The following TRAF3IP2 variants were observed in gnomAD, a reference collection of about 807,000 sequenced individuals.
TRAF3IP2 encodes TRAF3 interacting protein 2, also known as E3 ubiquitin ligase TRAF3IP2.
A neutral mutation model predicts 57.9 loss-of-function variants in TRAF3IP2; 35 were observed. The observed-to-expected ratio is 0.60, with a 90% CI of 0.46 to 0.80. The LOEUF is 0.80. TRAF3IP2 is among the 30% of genes least tolerant of loss of function. TRAF3IP2 has a pLI of 0.00. For missense variants in TRAF3IP2, 556 were observed against 706.4 expected (o/e 0.79, Z 2.41); for synonymous variants, 251 against 268.9 (o/e 0.93, Z 0.65).
chr6:111,592,114 G>A lies in TRAF3IP2; in HGVS notation c.-8-20C>T. The A allele has an allele frequency of 1.3e-6, 2 of 1,593,678 alleles. No homozygotes were observed. The highest frequency in any genetic ancestry group is 1.7e-6 in the Non-Finnish European group (2 of 1,165,220). ...TAGTTTCTGGAACAAGAGAAAACAT[G>A]CTATAGCCTTAGAAGACAGATAAAT... On this transcript the variant is annotated intron_variant, in intron 1 of 8. Transcript: ENST00000368761.
chr6:111,581,917 G>T (rs1256013356), intron 2 of TRAF3IP2, among the ~76,000 whole-genome samples: 1 of 152,196 alleles, frequency 6.6e-6, no homozygotes, highest in Admixed American at 6.5e-5. Context: ...GGCAGAGGCT[G>T]CAGTGAGCTG....
intron 5 of TRAF3IP2, among the ~76,000 whole-genome samples, chr6:111,568,472 T>C (rs1226798881): frequency 2.0e-5 from 3 of 148,256 alleles, no homozygotes; most frequent in Admixed American, 6.7e-5. Context: ...TGTGTGTGTG[T>C]GTGTGTGTGT....
chr6:111,560,911 A>G, intron 8 of TRAF3IP2, among the ~76,000 whole-genome samples: 1 of 152,182 alleles, frequency 6.6e-6, no homozygotes, highest in Non-Finnish European at 1.5e-5. Flanking sequence ...GGCAGGGCGC[A>G]GTGGCTCACG....
chr6:111,572,730 A>G (rs1795867147), intron 5 of TRAF3IP2, 165 bp downstream of exon 5: 4 of 643,148 alleles, frequency 6.2e-6, no homozygotes, highest in African/African-American at 1.8e-5. Context: ...ATAGCTTAAA[A>G]TCTAGAAAAT....
intron 1 of TRAF3IP2, among the ~76,000 whole-genome samples, chr6:111,599,013 C>T (rs897687941): frequency 6.6e-6 from 1 of 152,034 alleles, no homozygotes; most frequent in Non-Finnish European, 1.5e-5. Context: ...CTTCCTCCCA[C>T]CTTAGCCTCC....
intron 1 of TRAF3IP2, among the ~76,000 whole-genome samples, chr6:111,599,559 C>A (rs937632279): frequency 1.3e-5 from 2 of 152,158 alleles, no homozygotes; most frequent in African/African-American, 2.4e-5. Context: ...CTGTACACAG[C>A]TCTCAGTCAA....
chr6:111,592,130 A>G (rs1207480124), intron 1 of TRAF3IP2, 36 bp from the exon 2 acceptor site: 4 of 1,560,970 alleles, frequency 2.6e-6, no homozygotes, highest in Non-Finnish European at 3.5e-6. Flanking sequence ...GCCTTAGAAG[A>G]CAGATAAATT....
At chr6:111,563,062 G>A in intron 7 of TRAF3IP2, 23 bp from the exon 8 acceptor site, 1 of 1,585,444 alleles carries the variant, frequency 6.3e-7, no homozygotes, top group Non-Finnish European at 8.6e-7. Context: ...AAATGTGAAG[G>A]TTTAATTTCA....
chr6:111,574,424 CT>C (rs1468886262), intron 4 of TRAF3IP2, among the ~76,000 whole-genome samples: 5 of 152,294 alleles, frequency 3.3e-5, no homozygotes, highest in Non-Finnish European at 7.3e-5. Context: ...AATTACTGTC[CT>C]GACTGACCTT....
At chr6:111,593,432 G>A (rs966738135) in intron 1 of TRAF3IP2, among the ~76,000 whole-genome samples, 2 of 152,160 alleles carry the variant, frequency 1.3e-5, no homozygotes, top group African/African-American at 2.4e-5. Context: ...ATGGGATCAG[G>A]ACAGCATGCA....
rs746189713 is a variant in TRAF3IP2, at chr6:111,575,671, T to C, written c.1173A>G (p.Leu391=). ...PPSNPPARGT[L]KTSNLPEELR... The stretch of plus-strand genomic sequence containing the variant: ...ATTCTTCTGGCAAATTGCTTGTTTT[T>C]AGAGTTCCTCTGGCTGGAGGGTTGC... Residue 391 remains leucine (L), a synonymous_variant, in exon 4 of 9, where the codon CTA becomes CTG. Transcript: ENST00000368761. The C allele has an allele frequency of 3.7e-6, 6 of 1,612,834 alleles. No individual in the cohort carries two copies. The highest frequency in any genetic ancestry group is 5.1e-6 in the Non-Finnish European group (6 of 1,179,842).
At chr6:111,567,223 G>T (rs1274374281) in intron 6 of TRAF3IP2, 10 of 1,007,738 alleles carry the variant, frequency 9.9e-6, no homozygotes, top group African/African-American at 1.7e-5. Flanking sequence ...CACCTCGGGG[G>T]TGGTGTGCTG....
chr6:111,568,375 T>A (rs1795717459), intron 5 of TRAF3IP2, among the ~76,000 whole-genome samples: 1 of 150,048 alleles, frequency 6.7e-6, no homozygotes, highest in African/African-American at 2.4e-5. Flanking sequence ...CAGTTATTTT[T>A]TATTTTATAA....
intron 1 of TRAF3IP2, among the ~76,000 whole-genome samples, chr6:111,597,556 A>C (rs1796729174): frequency 6.6e-6 from 1 of 152,270 alleles, no homozygotes; most frequent in African/African-American, 2.4e-5. Context: ...GGTTATGTCA[A>C]GGATGGCAGT....
chr6:111,571,347 G>A (rs1354594348), intron 5 of TRAF3IP2, among the ~76,000 whole-genome samples: 1 of 152,100 alleles, frequency 6.6e-6, no homozygotes, highest in East Asian at 1.9e-4. Flanking sequence ...CAGAGTGCTG[G>A]TATTACAGGT....
At chr6:111,578,299 T>C (rs1583228382) in intron 3 of TRAF3IP2, among the ~76,000 whole-genome samples, 1 of 152,198 alleles carries the variant, frequency 6.6e-6, no homozygotes, top group Non-Finnish European at 1.5e-5. Flanking sequence ...TAAAATCACA[T>C]TTTACCTAAT....
intron 1 of TRAF3IP2, among the ~76,000 whole-genome samples, chr6:111,602,464 G>C (rs1796904566): frequency 6.6e-6 from 1 of 152,128 alleles, no homozygotes; most frequent in Non-Finnish European, 1.5e-5. Flanking sequence ...GAGAGGAAGA[G>C]GAAGGGAGAG....
intron 1 of TRAF3IP2, among the ~76,000 whole-genome samples, chr6:111,595,689 A>G (rs1423760645): frequency 6.6e-6 from 1 of 152,094 alleles, no homozygotes; most frequent in Admixed American, 6.5e-5. Context: ...TTAGCCGGGC[A>G]TGATGGCAGG....
intron 1 of TRAF3IP2, among the ~76,000 whole-genome samples, chr6:111,593,282 T>G (rs1277665794): frequency 6.6e-6 from 1 of 152,200 alleles, no homozygotes; most frequent in East Asian, 1.9e-4. Context: ...ATTTAAAAAT[T>G]CCTACTTTGG....
Sources: allele counts gnomAD v4.1 joint callset (sites outside exome capture counted in the v4.1 genomes callset), GRCh38; gene constraint gnomAD v4.1.1; transcripts MANE v1.5; gene names NCBI Gene and HGNC (gene_info 2026-07-23, HGNC 2026-07-21).